The following NUDT1 variants were observed in gnomAD, a reference collection of about 807,000 sequenced individuals.
NUDT1 encodes oxidized purine nucleoside triphosphate hydrolase.
In NUDT1, 16 loss-of-function variants were observed where a neutral mutation model predicts 11.3. That is an observed-to-expected ratio of 1.41 (90% CI 0.96 to 2.15). The LOEUF is 2.15. NUDT1 is among the 30% of genes most tolerant of loss of function. The probability of loss-of-function intolerance (pLI) is 0.00; values close to 1 mark genes in which losing one functional copy is unlikely to be tolerated. For synonymous variants in NUDT1, 101 were observed against 84.4 expected, an observed-to-expected ratio of 1.20 and a Z score of -1.08; for missense variants, 234 against 208.4, an observed-to-expected ratio of 1.12 and a Z score of -0.76.
In NUDT1 at chr7:2,244,624, G is replaced by A. The variant is rs372407158; in HGVS notation, c.50G>A (p.Arg17Gln). The change falls in exon 2 of 4, where the codon CGA becomes CAA. Residue 17 changes from arginine (R) to glutamine (Q), a missense_variant. By Grantham distance (43) the Arg-to-Gln change is conservative. Coordinates refer to ENST00000356714, the MANE Select transcript of NUDT1 (RefSeq NM_002452.4). Reference sequence around the variant, plus strand: ...CTGGTGCTGGTCCTGCAGCCTCAGCGAGTTCTCCTGGGCATGAAAAAGCGA... The same window carrying A: ...CTGGTGCTGGTCCTGCAGCCTCAGCAAGTTCTCCTGGGCATGAAAAAGCGA... Reference protein sequence around the residue: ...YTLVLVLQPQRVLLGMKKRGF... With the variant: ...YTLVLVLQPQQVLLGMKKRGF... 32 of 1,613,598 alleles carry A rather than the reference G, an allele frequency of 2.0e-5. No homozygotes were observed. The highest frequency in any genetic ancestry group is 2.5e-5 in the Non-Finnish European group (29 of 1,179,808).
At chr7:2,243,967 A>T (rs1350503333) in intron 1 of NUDT1, among the ~76,000 whole-genome samples, 1 of 152,130 alleles carries the variant, frequency 6.6e-6, no homozygotes. Context: ...CAGCAGGAGC[A>T]GAGTGGGTGG....
intron 2 of NUDT1, among the ~76,000 whole-genome samples, chr7:2,245,516 C>T (rs1218538062): frequency 1.3e-5 from 2 of 152,198 alleles, no homozygotes; most frequent in African/African-American, 4.8e-5. Flanking sequence ...TGTGCAGGTA[C>T]AGCTAAAGTA....
In NUDT1 at chr7:2,246,305, G is replaced by T. The variant is rs35392824; in HGVS notation, c.152+1579G>T. 2.0e-4 allele frequency among the ~76,000 whole-genome samples: 31 copies of T among 152,352 alleles called. No individual in the cohort carries two copies. The East Asian group carries it at 6.0e-3, about 29-fold the overall frequency. ...GGGTTCAGGAGACCTGCAGAAGGAG[G>T]TCTGGTCCATACCTCGTGGCCAGGG... is the stretch of plus-strand genomic sequence containing the variant. On this transcript the variant is annotated intron_variant, in intron 2 of 3. Transcript: ENST00000356714.
At chr7:2,244,861 T>C in intron 2 of NUDT1, 135 bp downstream of exon 2, 2 of 1,023,156 alleles carry the variant, frequency 2.0e-6, no homozygotes, top group East Asian at 2.6e-5. Flanking sequence ...AGCCTCAGTG[T>C]CTTCATCTCA....
At position 2,249,879 on chromosome 7, in the gene NUDT1, C is replaced by T; in HGVS notation, c.175C>T (p.Leu59=). ...CAGGGAGCTGCAGGAGGAGAGCGGTCTGACAGTGGACGCCCTGCACAAGGT... is the reference window on the plus strand; with the variant it reads ...CAGGGAGCTGCAGGAGGAGAGCGGTTTGACAGTGGACGCCCTGCACAAGGT... ...ARRELQEESG[L]TVDALHKVGQ... is the part of the protein sequence containing the mutation. The change falls in exon 3 of 4, where the codon CTG becomes TTG. Residue 59 remains leucine, a synonymous_variant. Coordinates refer to ENST00000356714, the MANE Select transcript of NUDT1 (RefSeq NM_002452.4). The T allele has an allele frequency of 6.2e-7, 1 of 1,613,978 alleles. No homozygotes were observed. Among genetic ancestry groups the T allele is most frequent in the Non-Finnish European group, 8.5e-7 (1 of 1,180,030 alleles).
intron 1 of NUDT1, 54 bp downstream of exon 1, chr7:2,242,310 C>A (rs1794575566): frequency 2.5e-6 from 2 of 796,040 alleles, no homozygotes; most frequent in Non-Finnish European, 3.7e-6. Context: ...GGGAGGGGAG[C>A]CGGGCCAGCG....
chr7:2,246,938 A>T (rs1794789832), intron 2 of NUDT1, among the ~76,000 whole-genome samples: 1 of 152,130 alleles, frequency 6.6e-6, no homozygotes, highest in Non-Finnish European at 1.5e-5. Flanking sequence ...TTAAAGAAAG[A>T]AAGAAAAAAA....
At chr7:2,246,906 C>T (rs959871268) in intron 2 of NUDT1, among the ~76,000 whole-genome samples, 7 of 152,240 alleles carry the variant, frequency 4.6e-5, no homozygotes, top group Non-Finnish European at 1.0e-4. Context: ...CGTGAGCCAC[C>T]GTGCCCAGCC....
At chr7:2,244,451 T>TTGCCCCCCCCCCCCCCCCCC in intron 1 of NUDT1, 112 bp from the exon 2 acceptor site, 2 of 981,626 alleles carry the variant, frequency 2.0e-6, no homozygotes, top group Non-Finnish European at 3.0e-6. Flanking sequence ...AGTTACAGCA[T>TTGCCCCCCCCCCCCCCCCCC]ACCCCCCCGC....
chr7:2,243,412 ACAC>A (rs1794635765), intron 1 of NUDT1, among the ~76,000 whole-genome samples: 1 of 152,134 alleles, frequency 6.6e-6, no homozygotes, highest in African/African-American at 2.4e-5. Context: ...CTTTTCTCAG[ACAC>A]CACAACTTCC....
intron 2 of NUDT1, chr7:2,248,173 G>C (rs1457564804): frequency 1.3e-5 from 2 of 152,284 alleles, no homozygotes; most frequent in Non-Finnish European, 2.9e-5. Flanking sequence ...GGGCAACATA[G>C]CAAGACCCTG....
At chr7:2,250,630 T>C (rs1048958627) in intron 3 of NUDT1, among the ~76,000 whole-genome samples, 199 bp from the exon 4 acceptor site, 3 of 151,592 alleles carry the variant, frequency 2.0e-5, no homozygotes, top group African/African-American at 7.3e-5. Context: ...GCTAATTTTT[T>C]TGTATTTTTA....
chr7:2,250,787 T>C (rs1310328468), intron 3 of NUDT1, 42 bp from the exon 4 acceptor site: 19 of 1,613,012 alleles, frequency 1.2e-5, no homozygotes, highest in Non-Finnish European at 1.6e-5. Context: ...AGCATGAAGT[T>C]TGGGTTGCAC....
Position 2,251,006 on chromosome 7 carries a change from A to T in NUDT1, c.*5A>T, listed in dbSNP as rs1282333166. On this transcript the variant is annotated 3_prime_UTR_variant, in exon 4 of 4. Coordinates refer to ENST00000356714, the MANE Select transcript of NUDT1 (RefSeq NM_002452.4). ...CGCGAGGTGGACACGGTCTAGCGGG[A>T]GCCCAGGGCAGCCCCTGGGCAGGAG... is the stretch of plus-strand genomic sequence containing the variant. 13 of 1,613,654 alleles carry T rather than the reference A, an allele frequency of 8.1e-6. No homozygotes were observed. Among genetic ancestry groups the T allele is most frequent in the Non-Finnish European group, 1.1e-5 (13 of 1,179,896 alleles).
rs192198484 is a variant in NUDT1 at position 2,245,012 on chromosome 7, G to A, written c.152+286G>A. Among the ~76,000 whole-genome samples the A allele has an allele frequency of 3.3e-5, 5 of 152,310 alleles. No homozygotes were observed. In the East Asian group the frequency reaches 9.6e-4, roughly 29 times the overall value. On this transcript the variant is annotated intron_variant, in intron 2 of 3. Coordinates refer to ENST00000356714, the MANE Select transcript of NUDT1 (RefSeq NM_002452.4). ...TTGTGGTGCGGTGGTGCTGGGGGCT[G>A]CAGGGCGTATCTGGAAGCCTCTGTG...
At chr7:2,243,754 CAG>C (rs1794652499) in intron 1 of NUDT1, among the ~76,000 whole-genome samples, 1 of 152,238 alleles carries the variant, frequency 6.6e-6, no homozygotes, top group Admixed American at 6.5e-5. Context: ...GCCTGGGCAA[CAG>C]AGCAGGATCT....
chr7:2,244,467 A>AGCCAC, intron 1 of NUDT1, 96 bp from the exon 2 acceptor site: 2 of 419,788 alleles, frequency 4.8e-6, no homozygotes, highest in Non-Finnish European at 8.3e-6. Context: ...CCCGCCCCCC[A>AGCCAC]CTGCCTCCCA....
At chr7:2,249,475 A>C in intron 2 of NUDT1, 1 of 292,776 alleles carries the variant, frequency 3.4e-6, no homozygotes, top group Non-Finnish European at 6.7e-6. Context: ...GAATGAAGGA[A>C]GTGGGGTCAG....
chr7:2,250,102 C>G (rs1396605988), intron 3 of NUDT1, 100 bp downstream of exon 3: 3 of 1,501,176 alleles, frequency 2.0e-6, no homozygotes, highest in Non-Finnish European at 9.1e-7. Context: ...GTGCCAGGGA[C>G]CGGGCAGCCT....
Sources: allele counts gnomAD v4.1 joint callset (sites outside exome capture counted in the v4.1 genomes callset), GRCh38; gene constraint gnomAD v4.1.1; transcripts MANE v1.5; gene names NCBI Gene and HGNC (gene_info 2026-07-23, HGNC 2026-07-21).